AGPS: variants seen among roughly 807,000 people sequenced by gnomAD.
The protein encoded by AGPS is alkyldihydroxyacetonephosphate synthase, peroxisomal.
In AGPS, 26 loss-of-function variants were observed where a neutral mutation model predicts 90.7. That is an observed-to-expected ratio of 0.29 (90% CI 0.21 to 0.40). AGPS has a LOEUF of 0.40. Ranked by LOEUF, AGPS falls within the 10% of genes least tolerant of loss-of-function variation. The pLI is 1.00. For synonymous variants in AGPS, 294 were observed against 285.3 expected, an observed-to-expected ratio of 1.03 and a Z score of -0.31; for missense variants, 540 against 816.1, an observed-to-expected ratio of 0.66 and a Z score of 4.12.
At chr2:177,435,199 T>G (rs781008618) in intron 3 of AGPS, among the ~76,000 whole-genome samples, 1 of 151,956 alleles carries the variant, frequency 6.6e-6, no homozygotes, top group Non-Finnish European at 1.5e-5. Flanking sequence ...GGCTATGTCT[T>G]ATACAATATT....
chr2:177,425,509 T>C (rs1271742920), intron 2 of AGPS, among the ~76,000 whole-genome samples: 5 of 150,270 alleles, frequency 3.3e-5, no homozygotes, highest in Admixed American at 6.7e-5. Flanking sequence ...TAATCCCAGC[T>C]ACTCATGAGG....
At chr2:177,426,615 T>C (rs1217366869) in intron 2 of AGPS, among the ~76,000 whole-genome samples, 1 of 152,246 alleles carries the variant, frequency 6.6e-6, no homozygotes, top group Non-Finnish European at 1.5e-5. Flanking sequence ...TGCTGAATTT[T>C]ATCTAAGGCC....
At chr2:177,398,823 C>T (rs1290170221) in intron 1 of AGPS, among the ~76,000 whole-genome samples, 1 of 152,016 alleles carries the variant, frequency 6.6e-6, no homozygotes, top group Non-Finnish European at 1.5e-5. Context: ...TGCCATTTGA[C>T]TTGTGGAAGA....
intron 18 of AGPS, 64 bp downstream of exon 18, chr2:177,521,432 C>A: frequency 7.5e-7 from 1 of 1,325,316 alleles, no homozygotes; most frequent in South Asian, 1.2e-5. Context: ...ATTTTACTGT[C>A]AATTTATGAA....
In AGPS at chr2:177,423,523, A is replaced by C. The variant is rs535445169; in HGVS notation, c.350+3165A>C. ...GAAGAAAGAAATATAACAGAGCTGGAAAGAAAGAAAGGGAAATCCCAGGTG... is the reference window on the plus strand; with the variant it reads ...GAAGAAAGAAATATAACAGAGCTGGCAAGAAAGAAAGGGAAATCCCAGGTG... On this transcript the variant is annotated intron_variant, in intron 2 of 19. Coordinates refer to ENST00000264167, the MANE Select transcript of AGPS (RefSeq NM_003659.4). 2.6e-5 allele frequency among the ~76,000 whole-genome samples: 4 copies of C among 152,326 alleles called. No individual in the cohort carries two copies. The South Asian group carries it at 6.2e-4, about 24-fold the overall frequency.
chr2:177,420,325 A>G lies in AGPS; in HGVS notation c.317A>G (p.Asn106Ser). The G allele has an allele frequency of 6.2e-7, 1 of 1,610,698 alleles. No individual in the cohort carries two copies. Among genetic ancestry groups the G allele is most frequent in the South Asian group, 1.1e-5 (1 of 91,002 alleles). Residue 106 changes from asparagine to serine, a missense_variant, in exon 2 of 20, where the codon AAT becomes AGT. Asn to Ser is a conservative substitution (Grantham distance 46). Around this residue, in one of 2 missense-constraint regions of AGPS, gnomAD observed 405 missense variants for 692.1 expected, o/e 0.59. Transcript: ENST00000264167. ...TATAATGATTCTAAATTCATCTTCA[A>G]TAAGAAGGGCCAAATTGAATTGACT... Reference protein sequence around the residue: ...WGYNDSKFIFNKKGQIELTGK... With the variant: ...WGYNDSKFIFSKKGQIELTGK...
intron 8 of AGPS, among the ~76,000 whole-genome samples, chr2:177,446,533 GGT>G (rs1686781533): frequency 6.6e-6 from 1 of 152,108 alleles, no homozygotes; most frequent in African/African-American, 2.4e-5. Context: ...TTGTATATTG[GGT>G]GGGTGTGGGT....
At chr2:177,479,995 A>G (rs1687897447) in intron 10 of AGPS, among the ~76,000 whole-genome samples, 1 of 152,170 alleles carries the variant, frequency 6.6e-6, no homozygotes, top group Non-Finnish European at 1.5e-5. Context: ...AGCCTGACCA[A>G]CATGGAGAAA....
chr2:177,467,157 A>C (rs1482143353), intron 9 of AGPS, among the ~76,000 whole-genome samples: 2 of 152,210 alleles, frequency 1.3e-5, no homozygotes, highest in East Asian at 1.9e-4. Context: ...GTTTCTAGGC[A>C]TGCAATAAGC....
At chr2:177,493,489 A>G (rs1159429925) in intron 12 of AGPS, among the ~76,000 whole-genome samples, 1 of 152,188 alleles carries the variant, frequency 6.6e-6, no homozygotes, top group Admixed American at 6.5e-5. Flanking sequence ...GAGATGCTTG[A>G]GCTAAATCTT....
chr2:177,410,555 C>T (rs1194328319), intron 1 of AGPS, among the ~76,000 whole-genome samples: 6 of 152,236 alleles, frequency 3.9e-5, no homozygotes, highest in Non-Finnish European at 7.4e-5. Context: ...GGCTTTCAAG[C>T]ATAATTAGAA....
intron 19 of AGPS, among the ~76,000 whole-genome samples, chr2:177,533,122 A>G (rs1367976191): frequency 6.6e-6 from 1 of 152,150 alleles, no homozygotes; most frequent in African/African-American, 2.4e-5. Flanking sequence ...AGATTACTAT[A>G]AGATAGAAAA....
At chr2:177,508,243 G>C (rs1404796133) in intron 16 of AGPS, among the ~76,000 whole-genome samples, 3 of 152,124 alleles carry the variant, frequency 2.0e-5, no homozygotes, top group Non-Finnish European at 2.9e-5. Flanking sequence ...ATTTGTCTGT[G>C]ATCCAAAGAA....
At chr2:177,518,752 A>G (rs1689096495) in intron 17 of AGPS, among the ~76,000 whole-genome samples, 1 of 144,410 alleles carries the variant, frequency 6.9e-6, no homozygotes, top group Admixed American at 7.2e-5. Flanking sequence ...TCTGGAATAT[A>G]GCCATTATTG....
chr2:177,450,423 A>G (rs1214331261), intron 8 of AGPS, among the ~76,000 whole-genome samples: 1 of 152,124 alleles, frequency 6.6e-6, no homozygotes, highest in Non-Finnish European at 1.5e-5. Context: ...TTAGTCTTAG[A>G]TTTAGGTCTC....
intron 8 of AGPS, among the ~76,000 whole-genome samples, chr2:177,452,681 T>G (rs917866586): frequency 2.6e-5 from 4 of 152,162 alleles, no homozygotes; most frequent in African/African-American, 9.6e-5. Context: ...GTGTGATTTA[T>G]TGTGGTTTAG....
intron 1 of AGPS, among the ~76,000 whole-genome samples, chr2:177,394,488 G>A (rs1385495528): frequency 6.7e-6 from 1 of 150,230 alleles, no homozygotes; most frequent in Non-Finnish European, 1.5e-5. Flanking sequence ...TAGTAGGAGA[G>A]GGTGAGAATG....
At chr2:177,505,725 T>C in intron 15 of AGPS, 150 bp downstream of exon 15, 1 of 707,898 alleles carries the variant, frequency 1.4e-6, no homozygotes, top group Non-Finnish European at 2.4e-6. Flanking sequence ...TTATTTTAGC[T>C]ACAAATCTTC....
chr2:177,474,261 G>A (rs1687712564), intron 10 of AGPS, among the ~76,000 whole-genome samples: 1 of 152,150 alleles, frequency 6.6e-6, no homozygotes, highest in South Asian at 2.1e-4. Context: ...TATAACTGAT[G>A]CAGGATTTTT....
Sources: gnomAD v4.1 joint callset for allele counts (sites outside exome capture counted in the v4.1 genomes callset) on GRCh38, gnomAD v4.1.1 for gene constraint, gnomAD v4.1.1 regional missense constraint, MANE v1.5 for transcripts, NCBI Gene and HGNC (gene_info 2026-07-23, HGNC 2026-07-21) for gene names.